CDH13: variants seen among roughly 807,000 people sequenced by gnomAD.
CDH13 encodes cadherin-13.
A neutral mutation model predicts 63.8 loss-of-function variants in CDH13; 24 were observed. The observed-to-expected ratio is 0.38, with a 90% CI of 0.27 to 0.53. CDH13 has a LOEUF of 0.53. Among genes scored for constraint, CDH13 ranks in the 20% least tolerant of loss-of-function variants. The pLI is 0.85. For synonymous variants in CDH13, 503 were observed against 355.3 expected (o/e 1.42, Z -4.67); for missense variants, 1,049 against 903.1 (o/e 1.16, Z -2.07).
chr16:83,010,626 C>T (rs1212254646), intron 2 of CDH13, among the ~76,000 whole-genome samples: 2 of 152,062 alleles, frequency 1.3e-5, no homozygotes, highest in Non-Finnish European at 2.9e-5. Flanking sequence ...AGAATATTTT[C>T]AGAAATACCT....
intron 5 of CDH13, among the ~76,000 whole-genome samples, chr16:83,262,477 G>A (rs570736991): frequency 6.6e-6 from 1 of 152,254 alleles, no homozygotes; most frequent in East Asian, 1.9e-4. Context: ...TATGGTGCAG[G>A]TGAAGCACCT....
At chr16:83,427,645 C>T (rs2071952855) in intron 6 of CDH13, among the ~76,000 whole-genome samples, 1 of 152,136 alleles carries the variant, frequency 6.6e-6, no homozygotes, top group African/African-American at 2.4e-5. Flanking sequence ...GATAACACAG[C>T]AAGGGAGTGC....
chr16:83,601,120 C>G (rs1028456929), intron 7 of CDH13, among the ~76,000 whole-genome samples: 1 of 152,042 alleles, frequency 6.6e-6, no homozygotes, highest in Non-Finnish European at 1.5e-5. Flanking sequence ...AGGACTCATT[C>G]CAAAAGTTCA....
At chr16:83,546,892 G>T (rs2075396606) in intron 7 of CDH13, among the ~76,000 whole-genome samples, 1 of 152,198 alleles carries the variant, frequency 6.6e-6, no homozygotes, top group Non-Finnish European at 1.5e-5. Context: ...CTGGCACACA[G>T]TAGGTACTCT....
chr16:82,842,091 CATATATATATATATATAT>C (rs1186963516), intron 1 of CDH13, among the ~76,000 whole-genome samples: 1 of 41,674 alleles, frequency 2.4e-5, no homozygotes, highest in East Asian at 5.9e-4. Flanking sequence ...TTGCATTCTA[CATATATATATATATATAT>C]ATGTATATAT....
chr16:83,012,036 C>G (rs921173687), intron 2 of CDH13, among the ~76,000 whole-genome samples: 21 of 152,116 alleles, frequency 1.4e-4, no homozygotes, highest in African/African-American at 5.1e-4. Context: ...TTCCCCAGCC[C>G]AGGACTAGGT....
At chr16:82,985,246 G>A (rs1416458008) in intron 2 of CDH13, among the ~76,000 whole-genome samples, 1 of 152,126 alleles carries the variant, frequency 6.6e-6, no homozygotes. Context: ...GACCTTAGGA[G>A]AACTTCTTTT....
intron 13 of CDH13, among the ~76,000 whole-genome samples, chr16:83,794,270 G>T (rs925888368): frequency 2.6e-5 from 4 of 152,224 alleles, no homozygotes; most frequent in African/African-American, 9.6e-5. Context: ...TTTGGGCCAG[G>T]TGCAGTGGCT....
chr16:83,226,863 C>G (rs951434060), intron 5 of CDH13, among the ~76,000 whole-genome samples: 5 of 152,178 alleles, frequency 3.3e-5, no homozygotes, highest in African/African-American at 1.2e-4. Context: ...GGGGGACCAT[C>G]CATTCCAGCT....
chr16:82,831,296 C>A (rs752378242), intron 1 of CDH13, among the ~76,000 whole-genome samples: 3 of 152,160 alleles, frequency 2.0e-5, no homozygotes, highest in Non-Finnish European at 4.4e-5. Context: ...TACATTTATC[C>A]TTAGCTAGGT....
chr16:83,306,145 G>T (rs1440092072), intron 5 of CDH13, among the ~76,000 whole-genome samples: 1 of 152,200 alleles, frequency 6.6e-6, no homozygotes, highest in Admixed American at 6.5e-5. Context: ...CCTGGCTGGG[G>T]AAGGTGGGGA....
At chr16:82,759,150 G>C (rs748075167) in intron 1 of CDH13, among the ~76,000 whole-genome samples, 5 of 152,162 alleles carry the variant, frequency 3.3e-5, no homozygotes, top group Non-Finnish European at 5.9e-5. Flanking sequence ...GGCTTCCTGT[G>C]AGACAATTGT....
At chr16:82,917,212 C>T (rs953589568) in intron 2 of CDH13, among the ~76,000 whole-genome samples, 4 of 152,162 alleles carry the variant, frequency 2.6e-5, no homozygotes, top group African/African-American at 9.7e-5. Context: ...AAAGAAGGGG[C>T]TAGCAGGTCC....
chr16:83,449,178 A>G (rs894172017), intron 6 of CDH13, among the ~76,000 whole-genome samples: 9 of 152,172 alleles, frequency 5.9e-5, no homozygotes, highest in Non-Finnish European at 1.3e-4. Flanking sequence ...TCGTTGCCAC[A>G]ATGATCTATA....
At chr16:82,754,323 A>T (rs1296508423) in intron 1 of CDH13, among the ~76,000 whole-genome samples, 5 of 152,204 alleles carry the variant, frequency 3.3e-5, no homozygotes, top group Non-Finnish European at 7.3e-5. Context: ...ATGATTGTTG[A>T]AAAAATGAAT....
intron 5 of CDH13, among the ~76,000 whole-genome samples, chr16:83,306,498 A>T (rs2151881458): frequency 6.6e-6 from 1 of 152,292 alleles, no homozygotes; most frequent in African/African-American, 2.4e-5. Context: ...TTCCCTTGGC[A>T]TGTGCCCACT....
At chr16:83,095,406 C>A (rs2034144149) in intron 3 of CDH13, among the ~76,000 whole-genome samples, 14 of 152,150 alleles carry the variant, frequency 9.2e-5, no homozygotes. Context: ...CTTGTGCTGG[C>A]AATTTGTAAA....
intron 1 of CDH13, among the ~76,000 whole-genome samples, chr16:82,679,211 C>T (rs188724656): frequency 1.3e-5 from 2 of 152,276 alleles, no homozygotes; most frequent in Admixed American, 1.3e-4. Context: ...GTCTGAGAAG[C>T]TCCAAGGAAG....
chr16:83,010,367 A>G (rs941717554), intron 2 of CDH13, among the ~76,000 whole-genome samples: 2 of 152,086 alleles, frequency 1.3e-5, no homozygotes, highest in Non-Finnish European at 2.9e-5. Flanking sequence ...TAACTGTAAG[A>G]GAAAGCTTGA....
Sources: gnomAD v4.1 joint callset for allele counts (sites outside exome capture counted in the v4.1 genomes callset) on GRCh38, gnomAD v4.1.1 for gene constraint, MANE v1.5 for transcripts, NCBI Gene and HGNC (gene_info 2026-07-23, HGNC 2026-07-21) for gene names.